Variants in SETBP1 observed in about 807,000 individuals in gnomAD.
SETBP1 encodes the protein SET binding protein 1.
Under a neutral mutation model 101.0 loss-of-function variants are expected in SETBP1, and 9 were observed. That is an observed-to-expected ratio of 0.09 (90% CI 0.05 to 0.16). The LOEUF (loss-of-function observed/expected upper bound fraction) is 0.16. Among genes scored for constraint, SETBP1 ranks in the 10% least tolerant of loss-of-function variants. The probability of loss-of-function intolerance (pLI) is 1.00; values close to 1 mark genes in which losing one functional copy is unlikely to be tolerated. For missense variants in SETBP1, 1,858 were observed against 2,033.8 expected, an observed-to-expected ratio of 0.91 and a Z score of 1.66; for synonymous variants, 818 against 788.5, an observed-to-expected ratio of 1.04 and a Z score of -0.63.
At chr18:44,779,110 G>A (rs2071070336) in intron 2 of SETBP1, among the ~76,000 whole-genome samples, 1 of 152,236 alleles carries the variant, frequency 6.6e-6, no homozygotes, top group Admixed American at 6.5e-5. Context: ...CCTTAAGACA[G>A]GACTGGACAA....
chr18:44,998,762 G>A (rs1415748268), intron 4 of SETBP1, among the ~76,000 whole-genome samples: 1 of 152,200 alleles, frequency 6.6e-6, no homozygotes, highest in Non-Finnish European at 1.5e-5. Flanking sequence ...TTGGTTTATG[G>A]TGTACCCACC....
At chr18:44,705,946 C>T (rs2144230721) in intron 2 of SETBP1, among the ~76,000 whole-genome samples, 1 of 152,262 alleles carries the variant, frequency 6.6e-6, no homozygotes, top group Middle Eastern at 3.4e-3. Context: ...GGATAGAAGT[C>T]TCTTTTCTCT....
chr18:44,689,042 G>A (rs955851619), intron 1 of SETBP1, among the ~76,000 whole-genome samples: 1 of 152,218 alleles, frequency 6.6e-6, no homozygotes, highest in African/African-American at 2.4e-5. Flanking sequence ...TTCTTCTGCA[G>A]CCAAAGTTGG....
At chr18:44,820,726 A>T (rs922174813) in intron 2 of SETBP1, among the ~76,000 whole-genome samples, 27 of 152,212 alleles carry the variant, frequency 1.8e-4, no homozygotes, top group Admixed American at 5.2e-4. Context: ...GGCAGAGATC[A>T]TGTCTTGATC....
chr18:44,843,718 G>A (rs2072667907), intron 2 of SETBP1, among the ~76,000 whole-genome samples: 1 of 152,194 alleles, frequency 6.6e-6, no homozygotes, highest in Admixed American at 6.5e-5. Context: ...GAGGCAGTAG[G>A]GAGTATGGCT....
upstream of SETBP1, among the ~76,000 whole-genome samples, chr18:44,680,574 G>C (rs2068742240): frequency 6.6e-6 from 1 of 152,160 alleles, no homozygotes; most frequent in Non-Finnish European, 1.5e-5. Flanking sequence ...GGCCGAGGGG[G>C]CGGGATGCCG....
At chr18:44,848,225 G>A (rs2072765193) in intron 2 of SETBP1, among the ~76,000 whole-genome samples, 1 of 152,136 alleles carries the variant, frequency 6.6e-6, no homozygotes, top group Admixed American at 6.5e-5. Context: ...ATGCAGGGGT[G>A]GGAAAGATGA....
intron 2 of SETBP1, among the ~76,000 whole-genome samples, chr18:44,842,298 A>T (rs1347171139): frequency 6.6e-6 from 1 of 152,160 alleles, no homozygotes; most frequent in Non-Finnish European, 1.5e-5. Flanking sequence ...GCTCAGGGGG[A>T]GGGCCTGGTG....
intron 2 of SETBP1, among the ~76,000 whole-genome samples, chr18:44,847,833 C>A (rs1004211501): frequency 3.9e-5 from 6 of 152,210 alleles, no homozygotes; most frequent in African/African-American, 1.4e-4. Context: ...GGAACACAAG[C>A]TGATTTGGAG....
chr18:44,880,747 C>G (rs1281999266), intron 3 of SETBP1, among the ~76,000 whole-genome samples: 1 of 152,096 alleles, frequency 6.6e-6, no homozygotes, highest in African/African-American at 2.4e-5. Flanking sequence ...ATGACCAGAT[C>G]ACTTGCGAAC....
At chr18:44,781,473 G>C (rs868151707) in intron 2 of SETBP1, among the ~76,000 whole-genome samples, 10 of 142,572 alleles carry the variant, frequency 7.0e-5, no homozygotes, top group Admixed American at 2.1e-4. Flanking sequence ...CTCTCTCTCT[G>C]TCTCTGTCTC....
chr18:44,914,515 A>G (rs1010913145), intron 3 of SETBP1, among the ~76,000 whole-genome samples: 20 of 152,346 alleles, frequency 1.3e-4, no homozygotes, highest in East Asian at 7.7e-4. Context: ...GACTGGAAGT[A>G]AACGAATGGA....
intron 3 of SETBP1, among the ~76,000 whole-genome samples, chr18:44,905,859 C>T (rs1167530368): frequency 6.6e-6 from 1 of 152,142 alleles, no homozygotes; most frequent in Non-Finnish European, 1.5e-5. Context: ...TGGAGGAAGC[C>T]ACCTTTGGAA....
chr18:44,722,801 G>A (rs2069628872), intron 2 of SETBP1, among the ~76,000 whole-genome samples: 1 of 152,226 alleles, frequency 6.6e-6, no homozygotes. Flanking sequence ...TCTCTAGTAG[G>A]CTTCTAGGAT....
chr18:44,786,032 T>G (rs2071232758), intron 2 of SETBP1, among the ~76,000 whole-genome samples: 1 of 152,228 alleles, frequency 6.6e-6, no homozygotes, highest in Non-Finnish European at 1.5e-5. Context: ...CATGGGGTGC[T>G]TCTTCCTCTA....
intron 2 of SETBP1, among the ~76,000 whole-genome samples, chr18:44,866,290 C>T (rs1039770005): frequency 7.9e-5 from 12 of 152,204 alleles, no homozygotes; most frequent in Non-Finnish European, 1.2e-4. Context: ...ACATGCTAGG[C>T]GCTGAGTGCT....
At chr18:44,715,593 G>T (rs1022746300) in intron 2 of SETBP1, among the ~76,000 whole-genome samples, 3 of 151,998 alleles carry the variant, frequency 2.0e-5, no homozygotes, top group Non-Finnish European at 4.4e-5. Flanking sequence ...TTTAATAAGG[G>T]AGTCATAATG....
chr18:44,855,270 G>C (rs573522330), intron 2 of SETBP1, among the ~76,000 whole-genome samples: 14 of 150,312 alleles, frequency 9.3e-5, no homozygotes, highest in Non-Finnish European at 2.1e-4. Flanking sequence ...GTTTTTTTTT[G>C]GTTCGTTTTG....
intron 5 of SETBP1, among the ~76,000 whole-genome samples, chr18:45,042,506 A>G (rs2073529746): frequency 6.6e-6 from 1 of 152,212 alleles, no homozygotes; most frequent in African/African-American, 2.4e-5. Flanking sequence ...TAATTTATCA[A>G]CCTGTAGTAA....
Sources: gnomAD v4.1 joint callset for allele counts (sites outside exome capture counted in the v4.1 genomes callset) on GRCh38, gnomAD v4.1.1 for gene constraint, MANE v1.5 for transcripts, NCBI Gene and HGNC (gene_info 2026-07-23, HGNC 2026-07-21) for gene names.